NKAIN3: variants seen among roughly 807,000 people sequenced by gnomAD.
NKAIN3 encodes sodium/potassium-transporting ATPase subunit beta-1-interacting protein 3.
NKAIN3 carries 25 observed loss-of-function variants against 30.2 expected under a neutral mutation model. The ratio of observed to expected loss-of-function variants is 0.83; its 90% CI spans 0.60 to 1.16. The LOEUF is 1.16. NKAIN3 is among the 50% of genes most tolerant of loss of function. The pLI, the probability that NKAIN3 is intolerant of heterozygous loss-of-function variation, is 0.00. For missense variants in NKAIN3, 225 were observed against 254.1 expected (o/e 0.89, Z 0.78); for synonymous variants, 91 against 89.6 (o/e 1.02, Z -0.09).
In NKAIN3 at chr8:62,803,417, T is replaced by G. The variant is rs542715668; in HGVS notation, c.471+56288T>G. Among the ~76,000 whole-genome samples the G allele has an allele frequency of 3.5e-3, 540 of 152,238 alleles. 4 individuals are homozygous for G. Among genetic ancestry groups the G allele is most frequent in the African/African-American group, 0.012 (516 of 41,546 alleles). ...AACAGATATTATAACAAACTGTCTCTCAGACCACAGTGCAATCAAACTAGA... is the reference window on the plus strand; with the variant it reads ...AACAGATATTATAACAAACTGTCTCGCAGACCACAGTGCAATCAAACTAGA... On this transcript the variant is annotated intron_variant, in intron 4 of 6. Transcript: ENST00000623646.
intron 5 of NKAIN3, among the ~76,000 whole-genome samples, chr8:62,924,319 G>A (rs1822373228): frequency 6.6e-6 from 1 of 152,192 alleles, no homozygotes; most frequent in African/African-American, 2.4e-5. Context: ...GATATATTGT[G>A]AGATGCTTTC....
At chr8:62,843,536 T>C (rs909129020) in intron 4 of NKAIN3, among the ~76,000 whole-genome samples, 11 of 151,842 alleles carry the variant, frequency 7.2e-5, no homozygotes, top group African/African-American at 2.4e-4. Flanking sequence ...GGTTTCACCA[T>C]GTTGGCCAGG....
chr8:62,345,290 T>C (rs548498232), intron 1 of NKAIN3, among the ~76,000 whole-genome samples: 21 of 145,944 alleles, frequency 1.4e-4, no homozygotes, highest in African/African-American at 5.0e-4. Flanking sequence ...CACGCACATA[T>C]ACACACATAT....
At chr8:62,351,875 T>G (rs1816191598) in intron 1 of NKAIN3, among the ~76,000 whole-genome samples, 1 of 152,196 alleles carries the variant, frequency 6.6e-6, no homozygotes, top group Non-Finnish European at 1.5e-5. Context: ...AGATTGATTT[T>G]GAGATGCTAT....
At chr8:62,423,966 TG>T (rs1429012639) in intron 1 of NKAIN3, among the ~76,000 whole-genome samples, 5 of 152,042 alleles carry the variant, frequency 3.3e-5, no homozygotes, top group African/African-American at 1.2e-4. Flanking sequence ...GTTTGTGGTC[TG>T]TTTTTTTGTA....
intron 4 of NKAIN3, among the ~76,000 whole-genome samples, chr8:62,802,969 T>C (rs1301295223): frequency 2.6e-5 from 4 of 152,108 alleles, no homozygotes; most frequent in Non-Finnish European, 4.4e-5. Flanking sequence ...GCAATCCTAG[T>C]CTCTGATAAA....
chr8:62,967,240 A>G lies in NKAIN3; in HGVS notation c.*1833A>G, dbSNP rs1823734862. Among the ~76,000 whole-genome samples the G allele has an allele frequency of 6.6e-6, 1 of 152,216 alleles. No homozygotes were observed. Among genetic ancestry groups the G allele is most frequent in the African/African-American group, 2.4e-5 (1 of 41,458 alleles). ...ATCTGTACACAGGGGCAAGAGCCATAGCCAGTGGACAGAGAACATGGGAGC... is the reference window on the plus strand; with the variant it reads ...ATCTGTACACAGGGGCAAGAGCCATGGCCAGTGGACAGAGAACATGGGAGC... On this transcript the variant is annotated 3_prime_UTR_variant, in exon 7 of 7. Transcript: ENST00000623646.
chr8:62,808,158 C>G (rs1426179998), intron 4 of NKAIN3, among the ~76,000 whole-genome samples: 1 of 152,042 alleles, frequency 6.6e-6, no homozygotes, highest in Non-Finnish European at 1.5e-5. Context: ...TTTATAGCAG[C>G]TGATTACTTT....
At chr8:62,600,324 A>G (rs1319636598) in intron 3 of NKAIN3, among the ~76,000 whole-genome samples, 1 of 152,070 alleles carries the variant, frequency 6.6e-6, no homozygotes, top group East Asian at 1.9e-4. Flanking sequence ...TATATTAATC[A>G]TGAGCTTTGA....
intron 1 of NKAIN3, among the ~76,000 whole-genome samples, chr8:62,499,165 G>A (rs1382831815): frequency 1.3e-5 from 2 of 152,182 alleles, no homozygotes; most frequent in Non-Finnish European, 2.9e-5. Flanking sequence ...AAGAGGACTA[G>A]GCGTAAACTG....
chr8:62,703,006 C>T (rs984904455), intron 3 of NKAIN3, among the ~76,000 whole-genome samples: 9 of 152,226 alleles, frequency 5.9e-5, no homozygotes, highest in East Asian at 1.9e-4. Flanking sequence ...TGATCGCCTC[C>T]GTTTACACCC....
Position 62,978,023 on chromosome 8 carries a change from GCATGGGTAT to G in NKAIN3, c.*12619_*12627del, listed in dbSNP as rs1255205189. Reference sequence around the variant, plus strand: ...TGGGGGTCCACTCCATACCCTGTTTGCATGGGTATCACCAGCAGAGGCTGCAGAACAGCA... The same window carrying G: ...TGGGGGTCCACTCCATACCCTGTTTGCACCAGCAGAGGCTGCAGAACAGCA... On this transcript the variant is annotated 3_prime_UTR_variant, in exon 7 of 7. Coordinates refer to ENST00000623646, the MANE Select transcript of NKAIN3 (RefSeq NM_001304533.3). The G allele has an allele frequency of 6.5e-6, 1 of 154,186 alleles. No homozygotes were observed. Among genetic ancestry groups the G allele is most frequent in the Non-Finnish European group, 1.4e-5 (1 of 69,690 alleles). The allele number at this position is 154,186 out of a possible 1,614,324, so 9.6% of individuals were successfully genotyped here.
At chr8:62,602,737 T>C (rs1811016958) in intron 3 of NKAIN3, among the ~76,000 whole-genome samples, 1 of 152,130 alleles carries the variant, frequency 6.6e-6, no homozygotes, top group South Asian at 2.1e-4. Flanking sequence ...TGAAGGATCC[T>C]GATCTCATAA....
chr8:62,915,967 A>C (rs1406125784), intron 4 of NKAIN3, among the ~76,000 whole-genome samples: 1 of 152,242 alleles, frequency 6.6e-6, no homozygotes, highest in African/African-American at 2.4e-5. Context: ...GATGAAAAAG[A>C]ACTATTGCAA....
At chr8:62,582,318 C>A (rs1038642755) in intron 2 of NKAIN3, among the ~76,000 whole-genome samples, 1 of 152,108 alleles carries the variant, frequency 6.6e-6, no homozygotes, top group East Asian at 1.9e-4. Context: ...CAAAAACAGA[C>A]AGACACATTC....
At chr8:62,497,473 G>A (rs370197957) in intron 1 of NKAIN3, among the ~76,000 whole-genome samples, 18 of 151,702 alleles carry the variant, frequency 1.2e-4, no homozygotes, top group Admixed American at 2.6e-4. Flanking sequence ...TCTTAGAGGC[G>A]TTTATAGCAT....
chr8:62,571,811 A>T (rs1196072834), intron 1 of NKAIN3, among the ~76,000 whole-genome samples: 1 of 152,036 alleles, frequency 6.6e-6, no homozygotes, highest in African/African-American at 2.4e-5. Flanking sequence ...TTGGCTCCTT[A>T]CACCATAGCT....
Position 62,384,713 on chromosome 8 carries a change from G to A in NKAIN3, c.54+135586G>A, listed in dbSNP as rs765159256. Among the ~76,000 whole-genome samples, 3 of 152,074 alleles carry A rather than the reference G, an allele frequency of 2.0e-5. 1 individual carries two copies. Among genetic ancestry groups the A allele is most frequent in the Non-Finnish European group, 4.4e-5 (3 of 68,002 alleles). ...TTCTTGATTCTAAGAATTTGGTATA[G>A]GCAAGGAAACTGACATAATATAAGC... On this transcript the variant is annotated intron_variant, in intron 1 of 6. Transcript: ENST00000623646.
At chr8:62,568,170 A>AT (rs1426112931) in intron 1 of NKAIN3, among the ~76,000 whole-genome samples, 21 of 152,316 alleles carry the variant, frequency 1.4e-4, no homozygotes, top group Non-Finnish European at 2.8e-4. Flanking sequence ...TTCTTCCTAC[A>AT]TTTTATGATA....
Sources: gnomAD v4.1 joint callset for allele counts (sites outside exome capture counted in the v4.1 genomes callset) on GRCh38, gnomAD v4.1.1 for gene constraint, MANE v1.5 for transcripts, NCBI Gene and HGNC (gene_info 2026-07-23, HGNC 2026-07-21) for gene names.